Variants in CNN2 observed in about 807,000 individuals in gnomAD.
The protein encoded by CNN2 is calponin 2.
CNN2 carries 21 observed loss-of-function variants against 31.0 expected under a neutral mutation model. The ratio of observed to expected loss-of-function variants is 0.68; its 90% CI spans 0.48 to 0.98. CNN2 has a LOEUF of 0.98. Ranked by LOEUF, CNN2 falls within the 50% of genes least tolerant of loss-of-function variation. CNN2 has a pLI of 0.00. For synonymous variants in CNN2, 165 were observed against 179.6 expected, an observed-to-expected ratio of 0.92 and a Z score of 0.65; for missense variants, 399 against 427.3, an observed-to-expected ratio of 0.93 and a Z score of 0.58.
chr19:1,032,768 C>A, intron 4 of CNN2, 72 bp downstream of exon 4: 2 of 1,217,076 alleles, frequency 1.6e-6, no homozygotes, highest in South Asian at 1.3e-5. Context: ...TGCATTCACT[C>A]GTTTGCAAAT....
At chr19:1,033,315 C>T (rs1159139610) in intron 4 of CNN2, among the ~76,000 whole-genome samples, 3 of 151,864 alleles carry the variant, frequency 2.0e-5, no homozygotes, top group South Asian at 4.2e-4. Context: ...ACCAGGAGTT[C>T]GAGACCAGCC....
At chr19:1,032,212 G>T (rs2039508618) in intron 2 of CNN2, among the ~76,000 whole-genome samples, 180 bp from the exon 3 acceptor site, 1 of 149,140 alleles carries the variant, frequency 6.7e-6, no homozygotes, top group Admixed American at 6.7e-5. Flanking sequence ...TCTAGTCTGG[G>T]TGACAGAGCT....
At chr19:1,029,163 G>A (rs1653319473) in intron 1 of CNN2, among the ~76,000 whole-genome samples, 1 of 96,880 alleles carries the variant, frequency 1.0e-5, no homozygotes, top group Admixed American at 9.8e-5. Context: ...TCCCAGGCAG[G>A]TCCAGCTCAG....
At chr19:1,036,829 C>T in intron 6 of CNN2, 1 of 547,522 alleles carries the variant, frequency 1.8e-6, no homozygotes, top group Non-Finnish European at 3.3e-6. Context: ...CCACCCAATT[C>T]TTTTTTTTTA....
chr19:1,031,285 G>A, intron 2 of CNN2, 93 bp downstream of exon 2: 3 of 1,136,450 alleles, frequency 2.6e-6, no homozygotes, highest in Non-Finnish European at 3.4e-6. Flanking sequence ...TGGGGGGCCG[G>A]GCATGGCCTG....
intron 1 of CNN2, among the ~76,000 whole-genome samples, chr19:1,027,413 G>T (rs768454609): frequency 2.4e-4 from 36 of 152,246 alleles, no homozygotes; most frequent in Non-Finnish European, 4.3e-4. Context: ...GGGGGCTCAC[G>T]CCCGTAATCC....
rs557112985 is a variant in CNN2, at chr19:1,037,744, C to T, written c.774C>T (p.Ser258=). 18 of 1,611,722 alleles carry T rather than the reference C, an allele frequency of 1.1e-5. No individual in the cohort carries two copies. The highest frequency in any genetic ancestry group is 1.1e-4 in the East Asian group (5 of 44,888). The part of the protein sequence containing the change: ...QMGYTQGANQ[S]GQVFGLGRQI... ...GCTACACGCAGGGCGCCAACCAGAG[C>T]GGCCAGGTCTTCGGCCTGGGCCGGC... Residue 258 remains serine (S), a synonymous_variant, in exon 7 of 7, where the codon AGC becomes AGT. Coordinates refer to ENST00000263097, the MANE Select transcript of CNN2 (RefSeq NM_004368.4).
chr19:1,032,485 G>T, intron 3 of CNN2, 27 bp downstream of exon 3: 1 of 1,613,636 alleles, frequency 6.2e-7, no homozygotes, highest in Non-Finnish European at 8.5e-7. Flanking sequence ...GCGGAGCAGG[G>T]ATGGTGCTGG....
At chr19:1,033,139 C>T (rs1236610173) in intron 4 of CNN2, among the ~76,000 whole-genome samples, 1 of 152,100 alleles carries the variant, frequency 6.6e-6, no homozygotes, top group Non-Finnish European at 1.5e-5. Flanking sequence ...CCTTGGTGAA[C>T]AGGAAGGACA....
Position 1,037,877 on chromosome 19 carries a change from T to C in CNN2, c.907T>C (p.Tyr303His), listed in dbSNP as rs775865234. The C allele has an allele frequency of 4.4e-6, 7 of 1,587,594 alleles. No homozygotes were observed. The highest frequency in any genetic ancestry group is 6.0e-6 in the Non-Finnish European group (7 of 1,162,778). ...PGEVPEYPPY[Y>H]QEEAGY is the part of the protein sequence containing the mutation. The stretch of plus-strand genomic sequence containing the variant: ...GGAGGTCCCTGAATATCCCCCTTAC[T>C]ACCAGGAGGAGGCCGGCTACTGAGG... Residue 303 changes from tyrosine (Y) to histidine (H), a missense_variant, in exon 7 of 7, where the codon TAC becomes CAC. By Grantham distance (83) the Tyr-to-His change is moderately conservative. Transcript: ENST00000263097.
At position 1,026,962 on chromosome 19, in the gene CNN2, C is replaced by CA. The variant is rs561919584; in HGVS notation, c.63+238_63+239insA. 1.2e-3 allele frequency: 587 copies of CA among 493,708 alleles called. 6 individuals are homozygous for CA. In the East Asian group the frequency reaches 0.02, roughly 17 times the overall value. The allele number at this position is 493,708 out of a possible 1,614,324, so 30.6% of individuals were successfully genotyped here. ...TCTGGGGGACGAGTGACCCATTCCC[C>CA]CCCCCAACATCTAGGGGTAGTTGGG... On this transcript the variant is annotated intron_variant, in intron 1 of 6. Coordinates refer to ENST00000263097, the MANE Select transcript of CNN2 (RefSeq NM_004368.4).
In CNN2 at chr19:1,028,873, G is replaced by A. The variant is rs2039443351; in HGVS notation, c.63+2149G>A. On this transcript the variant is annotated intron_variant, in intron 1 of 6. Transcript: ENST00000263097. ...CGGCGGGGCGGGGCTGCCCCCGGGC[G>A]TGGAAAGCCAAGCTGGGTGGGCTGT... Among the ~76,000 whole-genome samples the A allele has an allele frequency of 2.6e-5, 4 of 152,206 alleles. No individual in the cohort carries two copies. The South Asian group carries it at 8.3e-4, about 31-fold the overall frequency.
intron 1 of CNN2, among the ~76,000 whole-genome samples, chr19:1,029,474 T>C (rs8104090): frequency 0.086 from 591 of 6,906 alleles, 165 homozygotes; most frequent in Non-Finnish European, 0.093. Context: ...CAAATCATCC[T>C]AGGCAGGTCC....
In CNN2 at chr19:1,037,636, G is replaced by A. The variant is rs776548999; in HGVS notation, c.666G>A (p.Thr222=). The A allele has an allele frequency of 2.1e-5, 34 of 1,610,926 alleles. No individual in the cohort carries two copies. The highest frequency in any genetic ancestry group is 1.1e-4 in the South Asian group (10 of 90,994). Reference sequence around the variant, plus strand: ...TCCTTCCTCTCCAGGTGGGCATGACGGCTCCCGGGACCCGGCGGCACATCT... The same window carrying A: ...TCCTTCCTCTCCAGGTGGGCATGACAGCTCCCGGGACCCGGCGGCACATCT... ...TNKCASQVGM[T]APGTRRHIYD... The change falls in exon 7 of 7, where the codon ACG becomes ACA. Residue 222 remains threonine (T), a synonymous_variant. Transcript: ENST00000263097.
chr19:1,037,619 C>T lies in CNN2; in HGVS notation c.655-6C>T, dbSNP rs1323425349. The T allele has an allele frequency of 1.9e-6, 3 of 1,557,854 alleles. No individual in the cohort carries two copies. The highest frequency in any genetic ancestry group is 4.6e-5 in the East Asian group (2 of 43,118). ...ATGACCTGCTCCACCCCTCCTTCCT[C>T]TCCAGGTGGGCATGACGGCTCCCGG... On this transcript the variant is annotated splice_polypyrimidine_tract_variant and splice_region_variant and intron_variant, in intron 6 of 6. Transcript: ENST00000263097.
chr19:1,035,217 C>G (rs150352679), intron 4 of CNN2, among the ~76,000 whole-genome samples: 4,150 of 44,574 alleles, frequency 0.093, 90 homozygotes, highest in East Asian at 0.14. Flanking sequence ...TGGTGTAGAC[C>G]GGGAGCGTGG....
chr19:1,031,707 T>C (rs1030312155), intron 2 of CNN2, among the ~76,000 whole-genome samples: 3 of 149,416 alleles, frequency 2.0e-5, no homozygotes, highest in African/African-American at 4.9e-5. Flanking sequence ...CTCCACCTCC[T>C]GGGTTCAAGT....
chr19:1,032,227 G>A (rs1305116842), intron 2 of CNN2, among the ~76,000 whole-genome samples, 165 bp from the exon 3 acceptor site: 2 of 129,190 alleles, frequency 1.5e-5, no homozygotes, highest in Non-Finnish European at 3.2e-5. Context: ...AGAGCTAGAC[G>A]CCGTCTCAAA....
At chr19:1,032,342 C>T (rs199505028) in intron 2 of CNN2, 50 bp from the exon 3 acceptor site, 33 of 1,608,280 alleles carry the variant, frequency 2.1e-5, no homozygotes, top group South Asian at 3.3e-5. Flanking sequence ...CACGGTTCCT[C>T]GCTGCTCACA....
Sources: allele counts gnomAD v4.1 joint callset (sites outside exome capture counted in the v4.1 genomes callset), GRCh38; gene constraint gnomAD v4.1.1; transcripts MANE v1.5; gene names NCBI Gene and HGNC (gene_info 2026-07-23, HGNC 2026-07-21).